The following NAALADL2 variants were observed in gnomAD, a reference collection of about 807,000 sequenced individuals.
The protein encoded by NAALADL2 is inactive N-acetylated-alpha-linked acidic dipeptidase-like protein 2.
NAALADL2 carries 76 observed loss-of-function variants against 87.2 expected under a neutral mutation model. The observed-to-expected ratio is 0.87, with a 90% confidence interval of 0.72 to 1.05. The LOEUF is 1.05. Ranked by LOEUF, NAALADL2 falls within the 50% of genes least tolerant of loss-of-function variation. The probability of loss-of-function intolerance (pLI) is 0.00; values close to 1 mark genes in which losing one functional copy is unlikely to be tolerated. For synonymous variants in NAALADL2, 354 were observed against 331.0 expected, an observed-to-expected ratio of 1.07 and a Z score of -0.75; for missense variants, 1,089 against 945.8, an observed-to-expected ratio of 1.15 and a Z score of -1.99.
At chr3:174,443,853 A>G (rs1263133195) in intron 1 of NAALADL2, among the ~76,000 whole-genome samples, 1 of 151,786 alleles carries the variant, frequency 6.6e-6, no homozygotes, top group South Asian at 2.1e-4. Context: ...TGTTTTAAAG[A>G]TGAGGATTGA....
chr3:175,059,748 T>C lies in NAALADL2; in HGVS notation c.44-37042T>C, dbSNP rs569865467. On this transcript the variant is annotated intron_variant, in intron 1 of 13. Coordinates refer to ENST00000454872, the MANE Select transcript of NAALADL2 (RefSeq NM_207015.3). ...AGATCAATGTCATCATCATCTTTAC[T>C]ATTTGCAGCTCTGCTTCCTGTAGTG... The C allele has an allele frequency of 1.7e-5, 5 of 297,330 alleles. No individual in the cohort carries two copies. In the East Asian group the frequency reaches 5.0e-4, roughly 30 times the overall value. The allele number at this position is 297,330 out of a possible 1,614,324, so 18.4% of individuals were successfully genotyped here.
intron 13 of NAALADL2, among the ~76,000 whole-genome samples, chr3:175,767,147 A>G (rs1259377543): frequency 6.6e-6 from 1 of 152,082 alleles, no homozygotes; most frequent in Non-Finnish European, 1.5e-5. Context: ...CAGCCACTAC[A>G]CTTGAGTGTG....
At chr3:175,636,821 A>T (rs972640517) in intron 11 of NAALADL2, among the ~76,000 whole-genome samples, 6 of 152,130 alleles carry the variant, frequency 3.9e-5, no homozygotes, top group African/African-American at 1.4e-4. Flanking sequence ...GATTTTTTGG[A>T]TAGTAATTTA....
intron 1 of NAALADL2, among the ~76,000 whole-genome samples, chr3:174,981,357 A>T (rs1745083859): frequency 6.6e-6 from 1 of 152,202 alleles, no homozygotes; most frequent in Non-Finnish European, 1.5e-5. Flanking sequence ...CATTTTTAAA[A>T]GTATTTTAAG....
intron 2 of NAALADL2, among the ~76,000 whole-genome samples, chr3:174,710,116 T>C (rs910313229): frequency 6.6e-6 from 1 of 152,194 alleles, no homozygotes; most frequent in Admixed American, 6.5e-5. Context: ...TTGGTTAAAC[T>C]TGAATCTAGG....
chr3:175,295,718 A>AC (rs1553851707), intron 4 of NAALADL2, among the ~76,000 whole-genome samples: 39,471 of 143,550 alleles, frequency 0.27, 6,208 homozygotes, highest in South Asian at 0.35. Flanking sequence ...CATGCACACA[A>AC]ACACACACAC....
At chr3:174,460,923 G>C (rs922619692) in intron 1 of NAALADL2, among the ~76,000 whole-genome samples, 2 of 151,744 alleles carry the variant, frequency 1.3e-5, no homozygotes, top group African/African-American at 4.8e-5. Flanking sequence ...CTAATTCCTG[G>C]AATTTTTCCC....
At chr3:175,566,251 G>A (rs1383150804) in intron 9 of NAALADL2, among the ~76,000 whole-genome samples, 1 of 152,162 alleles carries the variant, frequency 6.6e-6, no homozygotes, top group African/African-American at 2.4e-5. Flanking sequence ...ATTTTTTGGA[G>A]AGTTGCTTCA....
chr3:175,587,905 GTGATACACCTGGAGA>G (rs1414810228), intron 10 of NAALADL2, among the ~76,000 whole-genome samples: 6 of 152,092 alleles, frequency 3.9e-5, no homozygotes, highest in Non-Finnish European at 5.9e-5. Context: ...CAGACCAGAT[GTGATACACCTGGAGA>G]TGATACACCT....
intron 5 of NAALADL2, among the ~76,000 whole-genome samples, chr3:175,378,510 C>T (rs948293004): frequency 1.4e-4 from 22 of 152,156 alleles, no homozygotes; most frequent in African/African-American, 5.1e-4. Context: ...GTTCACTTGG[C>T]CTTGTTGAGT....
chr3:175,336,083 C>A (rs868434698), intron 5 of NAALADL2, among the ~76,000 whole-genome samples: 29 of 151,970 alleles, frequency 1.9e-4, no homozygotes, highest in African/African-American at 6.8e-4. Flanking sequence ...ACCCTCGCTG[C>A]TTCCTTTTGG....
At chr3:175,682,208 TAAGA>T in intron 11 of NAALADL2, among the ~76,000 whole-genome samples, 1 of 152,126 alleles carries the variant, frequency 6.6e-6, no homozygotes, top group South Asian at 2.1e-4. Flanking sequence ...CATCTAATTA[TAAGA>T]AAGATAGCCA....
intron 2 of NAALADL2, among the ~76,000 whole-genome samples, chr3:174,677,017 C>A (rs1727100669): frequency 6.6e-6 from 1 of 151,814 alleles, no homozygotes; most frequent in Admixed American, 6.6e-5. Flanking sequence ...GGCTAGCTAG[C>A]TATCCATTCT....
At chr3:175,654,641 G>A (rs113836808) in intron 11 of NAALADL2, among the ~76,000 whole-genome samples, 2,058 of 152,296 alleles carry the variant, frequency 0.014, 51 homozygotes, top group African/African-American at 0.047. Flanking sequence ...CGCTGTAAGT[G>A]CAGCTGCAGG....
intron 5 of NAALADL2, among the ~76,000 whole-genome samples, chr3:175,421,601 CA>C (rs1258374878): frequency 6.6e-6 from 1 of 151,980 alleles, no homozygotes; most frequent in Non-Finnish European, 1.5e-5. Flanking sequence ...CACAGAAGGG[CA>C]AACAAATTAA....
At chr3:175,374,912 A>G (rs1335739571) in intron 5 of NAALADL2, among the ~76,000 whole-genome samples, 3 of 150,502 alleles carry the variant, frequency 2.0e-5, no homozygotes, top group Non-Finnish European at 3.0e-5. Flanking sequence ...AAATAAATAA[A>G]TAAATAAGTC....
At chr3:175,716,434 A>T (rs995416580) in intron 11 of NAALADL2, among the ~76,000 whole-genome samples, 32 of 151,542 alleles carry the variant, frequency 2.1e-4, no homozygotes, top group African/African-American at 7.5e-4. Context: ...GCTCTAAGAG[A>T]TAAAAATGTT....
intron 11 of NAALADL2, among the ~76,000 whole-genome samples, chr3:175,631,121 C>T (rs1303355537): frequency 6.6e-6 from 1 of 151,544 alleles, no homozygotes. Context: ...ATGAGTAACT[C>T]TTTTTCTTCT....
At chr3:174,958,424 AATAAG>A (rs1460702137) in intron 1 of NAALADL2, among the ~76,000 whole-genome samples, 1 of 151,994 alleles carries the variant, frequency 6.6e-6, no homozygotes, top group Non-Finnish European at 1.5e-5. Flanking sequence ...AAGCACAGAT[AATAAG>A]ATAACATCTG....
Sources: allele counts gnomAD v4.1 joint callset (sites outside exome capture counted in the v4.1 genomes callset), GRCh38; gene constraint gnomAD v4.1.1; transcripts MANE v1.5; gene names NCBI Gene and HGNC (gene_info 2026-07-23, HGNC 2026-07-21).